Variants in DNAJC3 observed in about 807,000 individuals in gnomAD.
The protein encoded by DNAJC3 is DnaJ heat shock protein family (Hsp40) member C3, also known as dnaJ homolog subfamily C member 3.
DNAJC3 carries 38 observed loss-of-function variants against 68.6 expected under a neutral mutation model. The ratio of observed to expected loss-of-function variants is 0.55; its 90% CI spans 0.43 to 0.73. The LOEUF is 0.73. DNAJC3 is among the 30% of genes least tolerant of loss of function. The pLI, the probability that DNAJC3 is intolerant of heterozygous loss-of-function variation, is 0.00. For synonymous variants in DNAJC3, 203 were observed against 204.0 expected (o/e 1.00, Z 0.04); for missense variants, 526 against 591.9 (o/e 0.89, Z 1.16).
chr13:95,791,176 A>G lies in DNAJC3; in HGVS notation c.*146A>G. The G allele has an allele frequency of 1.1e-6, 1 of 920,584 alleles. No homozygotes were observed. 57.0% of individuals were successfully genotyped at this position (920,584 alleles called of 1,614,324 possible). A position where few individuals can be genotyped will look rare whatever the true frequency, so the allele number is the denominator to read the frequency against. ...CTTTAATAGGAAAAAATCTGTTCTT[A>G]TCCCTGTCAGATTTATGGTTAATGG... On this transcript the variant is annotated 3_prime_UTR_variant, in exon 12 of 12. Transcript: ENST00000602402.
chr13:95,782,779 CTGA>C (rs1297797107), intron 9 of DNAJC3, among the ~76,000 whole-genome samples: 1 of 152,204 alleles, frequency 6.6e-6, no homozygotes, highest in Non-Finnish European at 1.5e-5. Flanking sequence ...CCTGTTCACT[CTGA>C]TGATAGTTTC....
chr13:95,779,324 C>A (rs951865337), intron 9 of DNAJC3, among the ~76,000 whole-genome samples: 18 of 151,872 alleles, frequency 1.2e-4, no homozygotes, highest in African/African-American at 4.1e-4. Flanking sequence ...CGGGGTTTCA[C>A]CGTGTTAGCC....
chr13:95,712,489 G>A (rs983541765), intron 2 of DNAJC3, among the ~76,000 whole-genome samples: 3 of 150,326 alleles, frequency 2.0e-5, no homozygotes, highest in African/African-American at 7.4e-5. Flanking sequence ...CGATTCTCCT[G>A]CCTCAGCCTC....
chr13:95,686,439 A>G (rs185315189), intron 1 of DNAJC3, among the ~76,000 whole-genome samples: 103 of 152,242 alleles, frequency 6.8e-4, no homozygotes, highest in Non-Finnish European at 1.3e-3. Flanking sequence ...TTTTTAGTTA[A>G]GTCCCATTTG....
intron 7 of DNAJC3, among the ~76,000 whole-genome samples, chr13:95,762,265 A>G (rs1882848409): frequency 6.6e-6 from 1 of 152,098 alleles, no homozygotes; most frequent in African/African-American, 2.4e-5. Flanking sequence ...TCCGTCTCTA[A>G]AAAAAATGTT....
chr13:95,718,388 T>C (rs1238602317), intron 2 of DNAJC3, among the ~76,000 whole-genome samples: 2 of 152,224 alleles, frequency 1.3e-5, no homozygotes, highest in Admixed American at 6.5e-5. Context: ...TTTGATTTAC[T>C]GTGCAGGTGA....
chr13:95,691,506 G>A (rs1880260216), intron 1 of DNAJC3, among the ~76,000 whole-genome samples: 2 of 151,736 alleles, frequency 1.3e-5, no homozygotes, highest in Middle Eastern at 3.4e-3. Flanking sequence ...TGGCGGCCGG[G>A]AAGAGGCACT....
chr13:95,744,990 C>T (rs906198590), intron 4 of DNAJC3: 1 of 152,248 alleles, frequency 6.6e-6, no homozygotes, highest in Non-Finnish European at 1.5e-5. Flanking sequence ...AGAGCTTTTG[C>T]GGTACAGTCT....
At chr13:95,730,460 T>G (rs899617453) in intron 4 of DNAJC3, among the ~76,000 whole-genome samples, 2 of 152,232 alleles carry the variant, frequency 1.3e-5, no homozygotes. Context: ...TTTAAGTCTT[T>G]AAGGCGTTTG....
At chr13:95,768,080 TTGATTTA>T (rs1279964802) in intron 9 of DNAJC3, among the ~76,000 whole-genome samples, 1 of 152,156 alleles carries the variant, frequency 6.6e-6, no homozygotes, top group East Asian at 1.9e-4. Flanking sequence ...GGTTTTGGTT[TTGATTTA>T]TATTTCCCTA....
At chr13:95,725,525 T>C (rs1337990820) in intron 4 of DNAJC3, among the ~76,000 whole-genome samples, 1 of 152,234 alleles carries the variant, frequency 6.6e-6, no homozygotes, top group African/African-American at 2.4e-5. Context: ...TTGCTTGTTC[T>C]GCTTTGTCCA....
rs1378142515 is a variant in DNAJC3 at position 95,763,705 on chromosome 13, A to G, written c.911A>G (p.Tyr304Cys). The change falls in exon 8 of 12, where the codon TAT becomes TGT. Residue 304 changes from tyrosine to cysteine, a missense_variant. Transcript: ENST00000602402. ...AAAACAGAGCCAAGCATTGCTGAAT[A>G]TACAGTTCGTTCAAAGGAGAGGATT... ...VMKTEPSIAEYTVRSKERICH... is the reference protein window; with the variant it reads ...VMKTEPSIAECTVRSKERICH... 6.2e-7 allele frequency: 1 copy of G among 1,614,084 alleles called. No individual in the cohort carries two copies. The highest frequency in any genetic ancestry group is 8.5e-7 in the Non-Finnish European group (1 of 1,179,934).
intron 9 of DNAJC3, among the ~76,000 whole-genome samples, chr13:95,764,823 A>G (rs1378647239): frequency 4.0e-5 from 6 of 149,724 alleles, no homozygotes; most frequent in Non-Finnish European, 5.9e-5. Flanking sequence ...TTTAAATGAT[A>G]CAGGTTTTTA....
chr13:95,681,296 C>A, intron 1 of DNAJC3, among the ~76,000 whole-genome samples: 1 of 152,152 alleles, frequency 6.6e-6, no homozygotes, highest in Non-Finnish European at 1.5e-5. Context: ...TAGGTAAACA[C>A]GGACGGAGGA....
intron 7 of DNAJC3, among the ~76,000 whole-genome samples, chr13:95,762,564 C>G (rs6492820): frequency 0.72 from 108,900 of 152,092 alleles, 40,390 homozygotes; most frequent in African/African-American, 0.93. Flanking sequence ...TTAGCTGGAG[C>G]ACTTGGGACA....
intron 1 of DNAJC3, among the ~76,000 whole-genome samples, chr13:95,685,967 T>TTG (rs1880064066): frequency 1.4e-5 from 2 of 140,870 alleles, no homozygotes; most frequent in African/African-American, 5.5e-5. Context: ...CTTTGCCCAC[T>TTG]TTTTTTTTTT....
chr13:95,772,909 C>A (rs1223392632), intron 9 of DNAJC3, among the ~76,000 whole-genome samples: 8 of 152,122 alleles, frequency 5.3e-5, no homozygotes, highest in Non-Finnish European at 8.8e-5. Flanking sequence ...CACCTATGTT[C>A]ATGAGGGATA....
intron 9 of DNAJC3, among the ~76,000 whole-genome samples, chr13:95,781,584 T>C (rs1428120925): frequency 6.6e-6 from 1 of 152,180 alleles, no homozygotes; most frequent in Non-Finnish European, 1.5e-5. Context: ...ACGTGTGTGC[T>C]TACGTCTCCC....
chr13:95,754,319 A>G (rs1206173553), intron 4 of DNAJC3, among the ~76,000 whole-genome samples: 4 of 152,146 alleles, frequency 2.6e-5, no homozygotes, highest in African/African-American at 9.7e-5. Context: ...CACATGTCAC[A>G]ACATGGCAGC....
Sources: gnomAD v4.1 joint callset for allele counts (sites outside exome capture counted in the v4.1 genomes callset) on GRCh38, gnomAD v4.1.1 for gene constraint, MANE v1.5 for transcripts, NCBI Gene and HGNC (gene_info 2026-07-23, HGNC 2026-07-21) for gene names.